Variants in CDC42BPA observed in about 807,000 individuals in gnomAD.
The protein encoded by CDC42BPA is serine/threonine-protein kinase MRCK alpha.
CDC42BPA carries 80 observed loss-of-function variants against 223.5 expected under a neutral mutation model. The ratio of observed to expected loss-of-function variants is 0.36; its 90% CI spans 0.30 to 0.43. CDC42BPA has a LOEUF of 0.43. Ranked by LOEUF, CDC42BPA falls within the 20% of genes least tolerant of loss-of-function variation. CDC42BPA has a pLI of 1.00. For synonymous variants in CDC42BPA, 694 were observed against 718.6 expected (o/e 0.97, Z 0.55); for missense variants, 1,743 against 2,099.9 (o/e 0.83, Z 3.32).
intron 1 of CDC42BPA, among the ~76,000 whole-genome samples, chr1:227,275,161 T>G (rs1028223049): frequency 1.3e-5 from 2 of 151,458 alleles, no homozygotes; most frequent in Non-Finnish European, 2.9e-5. Context: ...AAAAAATATT[T>G]TAAACTAATG....
At chr1:227,251,808 C>T (rs1280863369) in intron 2 of CDC42BPA, among the ~76,000 whole-genome samples, 1 of 152,086 alleles carries the variant, frequency 6.6e-6, no homozygotes, top group African/African-American at 2.4e-5. Flanking sequence ...ATTTACAGAA[C>T]ACTGCAGAGC....
chr1:227,071,833 C>T (rs975402377), intron 20 of CDC42BPA, among the ~76,000 whole-genome samples: 7 of 149,494 alleles, frequency 4.7e-5, no homozygotes, highest in East Asian at 2.0e-4. Flanking sequence ...AGAGTGATAA[C>T]CTCATATCAT....
intron 2 of CDC42BPA, among the ~76,000 whole-genome samples, chr1:227,238,903 C>A (rs762736264): frequency 6.6e-6 from 1 of 152,308 alleles, no homozygotes; most frequent in Admixed American, 6.5e-5. Flanking sequence ...TTAAAACCCT[C>A]TTCTCAGCAC....
chr1:227,223,014 C>T (rs1676213728), intron 2 of CDC42BPA, among the ~76,000 whole-genome samples: 1 of 151,878 alleles, frequency 6.6e-6, no homozygotes, highest in Non-Finnish European at 1.5e-5. Flanking sequence ...AACAGTACTA[C>T]AGGGAAAGGA....
rs1391399082 is a variant in CDC42BPA at position 227,001,165 on chromosome 1, CT to C, written c.4975+3828del. 3.3e-5 allele frequency among the ~76,000 whole-genome samples: 5 copies of C among 152,322 alleles called. No homozygotes were observed. In the East Asian group the frequency reaches 9.6e-4, roughly 29 times the overall value. On this transcript the variant is annotated intron_variant, in intron 35 of 36. Transcript: ENST00000366766. ...GAGTCTGGCTGTGGAAGATCCTGTG[CT>C]TCTTGCTGTAGAGACTGAACATAGT...
At chr1:227,316,824 A>T (rs1213995898) in intron 1 of CDC42BPA, among the ~76,000 whole-genome samples, 181 bp downstream of exon 1, 7 of 152,236 alleles carry the variant, frequency 4.6e-5, no homozygotes. Flanking sequence ...ATTGAGCAGC[A>T]CAATTCTACT....
rs1182470351 is a variant in CDC42BPA, at chr1:227,235,929, T to A, written c.270+18135A>T. Among the ~76,000 whole-genome samples, 4 of 152,212 alleles carry A rather than the reference T, an allele frequency of 2.6e-5. No individual in the cohort carries two copies. The East Asian group carries it at 7.7e-4, about 29-fold the overall frequency. On this transcript the variant is annotated intron_variant, in intron 2 of 36. Coordinates refer to ENST00000366766, the MANE Select transcript of CDC42BPA (RefSeq NM_001394014.1). ...CTTGGCAAGTACTTTCTTTCTAGATTTGGAATAAGTTAACAGGAGAGATGG... is the reference window on the plus strand; with the variant it reads ...CTTGGCAAGTACTTTCTTTCTAGATATGGAATAAGTTAACAGGAGAGATGG...
chr1:227,151,439 A>C (rs531501425), intron 6 of CDC42BPA, among the ~76,000 whole-genome samples: 1 of 152,312 alleles, frequency 6.6e-6, no homozygotes, highest in African/African-American at 2.4e-5. Flanking sequence ...TGCTCTAAAA[A>C]TGAGTGTACA....
At chr1:227,306,889 G>A (rs1395321495) in intron 1 of CDC42BPA, among the ~76,000 whole-genome samples, 4 of 152,128 alleles carry the variant, frequency 2.6e-5, no homozygotes, top group Non-Finnish European at 4.4e-5. Context: ...TAGTATCTGA[G>A]TCAACTTGGG....
intron 15 of CDC42BPA, among the ~76,000 whole-genome samples, chr1:227,098,376 A>T (rs556845500): frequency 6.6e-6 from 1 of 152,228 alleles, no homozygotes; most frequent in Admixed American, 6.5e-5. Flanking sequence ...CTGCCCCCAA[A>T]TCCAGGCTGG....
Position 227,273,995 on chromosome 1 carries a change from CAA to C in CDC42BPA, c.179-19842_179-19841del, listed in dbSNP as rs10599884. Among the ~76,000 whole-genome samples the C allele has an allele frequency of 6.0e-3, 341 of 56,978 alleles. 2 individuals are homozygous for C. Among genetic ancestry groups the C allele is most frequent in the African/African-American group, 0.016 (244 of 15,652 alleles). The allele number at this position is 56,978 out of a possible 152,430, so 37.4% of individuals were successfully genotyped here. ...ATAGTTTTCAAATATTCGTATACAC[CAA>C]AAAAAAAAAAAAAAAAAAAAAAAAG... On this transcript the variant is annotated intron_variant, in intron 1 of 36. Coordinates refer to ENST00000366766, the MANE Select transcript of CDC42BPA (RefSeq NM_001394014.1).
intron 2 of CDC42BPA, among the ~76,000 whole-genome samples, chr1:227,241,517 A>G (rs1209751429): frequency 6.6e-6 from 1 of 152,176 alleles, no homozygotes; most frequent in East Asian, 1.9e-4. Context: ...AACGATTAAT[A>G]CATGCAATTG....
At chr1:227,021,702 G>A (rs180787490) in intron 32 of CDC42BPA, among the ~76,000 whole-genome samples, 1 of 152,136 alleles carries the variant, frequency 6.6e-6, no homozygotes, top group African/African-American at 2.4e-5. Context: ...GGAATATGGG[G>A]TAGGTGGGAG....
At chr1:227,059,327 G>C in intron 21 of CDC42BPA, 7 of 1,502,554 alleles carry the variant, frequency 4.7e-6, no homozygotes, top group Non-Finnish European at 3.6e-6. Context: ...ATGAGAGAGG[G>C]GTAAAAGGCC....
chr1:227,143,985 TTTAA>T (rs1445831898), intron 8 of CDC42BPA, among the ~76,000 whole-genome samples: 3 of 152,180 alleles, frequency 2.0e-5, no homozygotes, highest in Non-Finnish European at 4.4e-5. Context: ...GAGAAGTCAG[TTTAA>T]TTATTCTTTG....
rs1660744480 is a variant in CDC42BPA, at chr1:226,991,574, T to C, written c.*2694A>G. On this transcript the variant is annotated 3_prime_UTR_variant, in exon 37 of 37. Coordinates refer to ENST00000366766, the MANE Select transcript of CDC42BPA (RefSeq NM_001394014.1). ...TCTGCACGCATTCGGGACTGCTCTA[T>C]TATGACTGATGAGATTACTTGCCAT... The C allele has an allele frequency of 6.6e-6, 1 of 152,174 alleles. No individual in the cohort carries two copies. 9.4% of individuals were successfully genotyped at this position (152,174 alleles called of 1,614,324 possible). A position where few individuals can be genotyped will look rare whatever the true frequency, so the allele number is the denominator to read the frequency against.
At chr1:227,155,385 G>T (rs1662553799) in intron 6 of CDC42BPA, among the ~76,000 whole-genome samples, 2 of 152,108 alleles carry the variant, frequency 1.3e-5, no homozygotes, top group Admixed American at 1.3e-4. Context: ...TTTCAGACAT[G>T]GAAGATTATG....
intron 32 of CDC42BPA, among the ~76,000 whole-genome samples, chr1:227,021,149 AG>A (rs1667296670): frequency 6.6e-6 from 1 of 152,242 alleles, no homozygotes; most frequent in South Asian, 2.1e-4. Flanking sequence ...ACAGAATAAC[AG>A]TGAAAAAGTT....
chr1:227,150,007 T>C (rs1156237585), intron 6 of CDC42BPA, among the ~76,000 whole-genome samples: 1 of 151,982 alleles, frequency 6.6e-6, no homozygotes, highest in Non-Finnish European at 1.5e-5. Flanking sequence ...GTGTTTCACT[T>C]GAGCTCAGAA....
Sources: gnomAD v4.1 joint callset for allele counts (sites outside exome capture counted in the v4.1 genomes callset) on GRCh38, gnomAD v4.1.1 for gene constraint, MANE v1.5 for transcripts, NCBI Gene and HGNC (gene_info 2026-07-23, HGNC 2026-07-21) for gene names.